The following ERBIN variants were observed in gnomAD, a reference collection of about 807,000 sequenced individuals.
The protein encoded by ERBIN is erbb2 interacting protein, also known as densin-180-like protein.
Under a neutral mutation model 158.4 loss-of-function variants are expected in ERBIN, and 60 were observed. The observed-to-expected ratio is 0.38, with a 90% CI of 0.31 to 0.47. ERBIN has a LOEUF of 0.47. ERBIN is among the 20% of genes least tolerant of loss of function. ERBIN has a pLI of 0.99. For synonymous variants in ERBIN, 594 were observed against 557.2 expected, an observed-to-expected ratio of 1.07 and a Z score of -0.93; for missense variants, 1,610 against 1,648.0, an observed-to-expected ratio of 0.98 and a Z score of 0.40.
intron 18 of ERBIN, among the ~76,000 whole-genome samples, chr5:66,047,207 A>G (rs80350229): frequency 6.6e-6 from 1 of 152,050 alleles, no homozygotes; most frequent in African/African-American, 2.4e-5. Context: ...TTGACATTTC[A>G]TTTAAGTGGA....
At chr5:65,934,702 T>G (rs1261111439) in intron 1 of ERBIN, among the ~76,000 whole-genome samples, 1 of 152,226 alleles carries the variant, frequency 6.6e-6, no homozygotes, top group Non-Finnish European at 1.5e-5. Flanking sequence ...TTTAAGGTAT[T>G]CATTCCCTGT....
intron 5 of ERBIN, among the ~76,000 whole-genome samples, chr5:66,012,411 T>G (rs915173671): frequency 6.6e-6 from 1 of 152,210 alleles, no homozygotes; most frequent in African/African-American, 2.4e-5. Context: ...CACTCTGTGT[T>G]ATTTACACCC....
In ERBIN at chr5:66,072,262, A is replaced by AAAGATGTT; in HGVS notation, c.3728_3735dup (p.Pro1246LysfsTer8). 1 of 1,550,436 alleles carries AAAGATGTT rather than the reference A, an allele frequency of 6.4e-7. No individual in the cohort carries two copies. The highest frequency in any genetic ancestry group is 2.4e-5 in the East Asian group (1 of 40,854). ...CTACTCATCAGCCACACTTAGTCAC[A>AAAGATGTT]AAGATGTTCCTCCAGACAGCTTGAT... On this transcript the variant is annotated frameshift_variant, in exon 22 of 26. Coordinates refer to ENST00000284037, the MANE Select transcript of ERBIN (RefSeq NM_001253697.2). LOFTEE classifies it high-confidence loss of function.
At chr5:66,010,318 T>C (rs58709068) in intron 4 of ERBIN, among the ~76,000 whole-genome samples, 6,253 of 152,244 alleles carry the variant, frequency 0.041, 430 homozygotes, top group African/African-American at 0.14. Context: ...TGATATGATA[T>C]TGTTTTTGAG....
In ERBIN at chr5:66,054,690, G is replaced by A. The variant is rs777211563; in HGVS notation, c.3372G>A (p.Gln1124=). Residue 1124 remains glutamine (Q), a synonymous_variant, in exon 21 of 26, where the codon CAG becomes CAA. Coordinates refer to ENST00000284037, the MANE Select transcript of ERBIN (RefSeq NM_001253697.2). The part of the protein sequence containing the change: ...GRTPPMMPGS[Q]RPLSARTYSI... The stretch of plus-strand genomic sequence containing the variant: ...CTCCTCCAATGATGCCAGGATCACA[G>A]AGACCCCTTTCTGCACGAACATACA... 3 of 1,614,106 alleles carry A rather than the reference G, an allele frequency of 1.9e-6. No homozygotes were observed. In the South Asian group the frequency reaches 3.3e-5, roughly 18 times the overall value.
At chr5:66,004,325 G>T (rs1753333404) in intron 4 of ERBIN, among the ~76,000 whole-genome samples, 1 of 152,124 alleles carries the variant, frequency 6.6e-6, no homozygotes, top group Admixed American at 6.5e-5. Flanking sequence ...GAAAAGAACA[G>T]ATAGTTGACA....
intron 21 of ERBIN, among the ~76,000 whole-genome samples, chr5:66,056,366 A>T (rs930084774): frequency 3.3e-5 from 5 of 152,168 alleles, no homozygotes; most frequent in African/African-American, 1.2e-4. Context: ...TTTGGCTATT[A>T]GTGGACATAG....
chr5:65,957,738 T>G (rs992969637), intron 1 of ERBIN, among the ~76,000 whole-genome samples: 16 of 152,346 alleles, frequency 1.1e-4, no homozygotes, highest in African/African-American at 3.6e-4. Context: ...GGTACACCTC[T>G]AAGATGGGGT....
intron 1 of ERBIN, among the ~76,000 whole-genome samples, chr5:65,980,839 A>G (rs979625258): frequency 2.0e-5 from 3 of 152,238 alleles, no homozygotes; most frequent in African/African-American, 7.2e-5. Flanking sequence ...AAAAGAATAG[A>G]CAAATTTACA....
Position 66,063,393 on chromosome 5 carries a change from G to A in ERBIN, c.3633+8442G>A, listed in dbSNP as rs573984602. Among the ~76,000 whole-genome samples the A allele has an allele frequency of 5.3e-5, 8 of 152,304 alleles. No homozygotes were observed. In the East Asian group the frequency reaches 1.5e-3, roughly 29 times the overall value. On this transcript the variant is annotated intron_variant, in intron 21 of 25. Transcript: ENST00000284037. ...GGTTTGTTAAGCCCGTTGGAAAAGC[G>A]CAGTATTAGGGCAGGAGTGACCCGA...
rs191792571 is a variant in ERBIN, at chr5:65,933,482, C to T, written c.-58+6676C>T. 1.5e-3 allele frequency among the ~76,000 whole-genome samples: 230 copies of T among 152,294 alleles called. 1 individual carries two copies. Among genetic ancestry groups the T allele is most frequent in the African/African-American group, 5.4e-3 (224 of 41,558 alleles). ...AGGCAGTCTCCTTTTTTCATAATCA[C>T]ACTGTCCAAGTGTCACATCTCCTAC... On this transcript the variant is annotated intron_variant, in intron 1 of 25. Transcript: ENST00000284037.
At chr5:65,940,134 G>C (rs1415817523) in intron 1 of ERBIN, among the ~76,000 whole-genome samples, 3 of 151,162 alleles carry the variant, frequency 2.0e-5, no homozygotes, top group African/African-American at 7.3e-5. Context: ...TCCCATCTAG[G>C]AAGTGAGGAG....
intron 1 of ERBIN, among the ~76,000 whole-genome samples, chr5:65,966,311 A>G (rs10042814): frequency 0.017 from 2,577 of 152,334 alleles, 73 homozygotes; most frequent in African/African-American, 0.059. Flanking sequence ...GTACTTGACA[A>G]TGACAGTAAA....
chr5:66,044,811 T>C (rs2151207228), intron 17 of ERBIN, among the ~76,000 whole-genome samples: 1 of 151,962 alleles, frequency 6.6e-6, no homozygotes, highest in South Asian at 2.1e-4. Context: ...CCATGGTGGC[T>C]CACTCCTGTT....
Position 66,061,210 on chromosome 5 carries a change from T to C in ERBIN, c.3633+6259T>C, listed in dbSNP as rs373922528. Among the ~76,000 whole-genome samples, 28 of 152,352 alleles carry C rather than the reference T, an allele frequency of 1.8e-4. 1 individual carries two copies. In the East Asian group the frequency reaches 3.5e-3, roughly 19 times the overall value. On this transcript the variant is annotated intron_variant, in intron 21 of 25. Coordinates refer to ENST00000284037, the MANE Select transcript of ERBIN (RefSeq NM_001253697.2). ...TCTTTGTAGGTCCCTAAGGACTTGC[T>C]TTATGAATCTGGGTGCTCCTGTATT...
intron 21 of ERBIN, among the ~76,000 whole-genome samples, chr5:66,069,472 G>A (rs1335917439): frequency 1.3e-5 from 2 of 152,220 alleles, no homozygotes; most frequent in South Asian, 4.1e-4. Flanking sequence ...CACTGAGCAT[G>A]ATTAACTGTG....
At chr5:66,065,439 A>C (rs1485580242) in intron 21 of ERBIN, among the ~76,000 whole-genome samples, 1 of 152,156 alleles carries the variant, frequency 6.6e-6, no homozygotes, top group Non-Finnish European at 1.5e-5. Flanking sequence ...ATTTTAAGGC[A>C]GGATGGTTTG....
chr5:66,059,687 C>T (rs1166097306), intron 21 of ERBIN, among the ~76,000 whole-genome samples: 1 of 152,090 alleles, frequency 6.6e-6, no homozygotes, highest in Admixed American at 6.5e-5. Context: ...TCATAGACAG[C>T]TCTTACTATT....
intron 1 of ERBIN, among the ~76,000 whole-genome samples, chr5:65,927,202 G>C (rs1316778236): frequency 6.6e-6 from 1 of 152,196 alleles, no homozygotes; most frequent in Non-Finnish European, 1.5e-5. Context: ...GCTGCAGTGA[G>C]TGATTTGCTG....
Sources: allele counts gnomAD v4.1 joint callset (sites outside exome capture counted in the v4.1 genomes callset), GRCh38; gene constraint gnomAD v4.1.1; transcripts MANE v1.5; gene names NCBI Gene and HGNC (gene_info 2026-07-23, HGNC 2026-07-21).